Variants in ASTN1 observed in about 807,000 individuals in gnomAD.
ASTN1 encodes astrotactin-1.
Under a neutral mutation model 140.7 loss-of-function variants are expected in ASTN1, and 41 were observed. The observed-to-expected ratio is 0.29, with a 90% confidence interval of 0.23 to 0.38. The LOEUF (loss-of-function observed/expected upper bound fraction) is 0.38. ASTN1 is among the 10% of genes least tolerant of loss of function. The pLI is 1.00. For synonymous variants in ASTN1, 640 were observed against 652.2 expected (o/e 0.98, Z 0.29); for missense variants, 1,479 against 1,678.8 (o/e 0.88, Z 2.08).
chr1:176,983,506 C>G (rs1021241927), intron 8 of ASTN1, among the ~76,000 whole-genome samples: 1 of 152,172 alleles, frequency 6.6e-6, no homozygotes, highest in Non-Finnish European at 1.5e-5. Flanking sequence ...CTTCTTTTCC[C>G]TGGTATATTT....
intron 16 of ASTN1, among the ~76,000 whole-genome samples, chr1:176,921,417 C>T (rs536366890): frequency 1.3e-5 from 2 of 152,124 alleles, no homozygotes; most frequent in Non-Finnish European, 2.9e-5. Flanking sequence ...TATTTTTGTG[C>T]CTTTTGTTTC....
chr1:176,865,674 G>A (rs1197329847), intron 22 of ASTN1, among the ~76,000 whole-genome samples: 2 of 152,158 alleles, frequency 1.3e-5, no homozygotes, highest in African/African-American at 4.8e-5. Flanking sequence ...TCTAACTCAT[G>A]GGCAGAACCA....
chr1:176,916,686 C>T (rs1670498720), intron 16 of ASTN1, among the ~76,000 whole-genome samples: 1 of 152,148 alleles, frequency 6.6e-6, no homozygotes, highest in Non-Finnish European at 1.5e-5. Flanking sequence ...CAGCAGCTCC[C>T]ACCTGGTTTA....
intron 14 of ASTN1, among the ~76,000 whole-genome samples, chr1:176,942,635 C>A (rs1383436817): frequency 6.6e-6 from 1 of 151,390 alleles, no homozygotes; most frequent in Non-Finnish European, 1.5e-5. Flanking sequence ...CACCCCACTG[C>A]TCACTGAGAT....
chr1:177,136,914 A>G (rs181213677), intron 1 of ASTN1, among the ~76,000 whole-genome samples: 1 of 152,346 alleles, frequency 6.6e-6, no homozygotes, highest in African/African-American at 2.4e-5. Context: ...CAACCTCAGC[A>G]TTATTGACAT....
At chr1:176,865,299 G>A (rs1365287673) in intron 22 of ASTN1, among the ~76,000 whole-genome samples, 1 of 152,214 alleles carries the variant, frequency 6.6e-6, no homozygotes, top group Non-Finnish European at 1.5e-5. Flanking sequence ...TGTACACACT[G>A]GAAAGGAGTG....
At chr1:176,978,348 A>G (rs378049) in intron 8 of ASTN1, among the ~76,000 whole-genome samples, 12,273 of 152,262 alleles carry the variant, frequency 0.081, 1,590 homozygotes, top group African/African-American at 0.27. Flanking sequence ...TGTGAAAGCA[A>G]GATAAATGGG....
At chr1:176,900,398 C>G (rs1331917832) in intron 16 of ASTN1, among the ~76,000 whole-genome samples, 1 of 152,232 alleles carries the variant, frequency 6.6e-6, no homozygotes, top group African/African-American at 2.4e-5. Context: ...GCAAAACGCA[C>G]TGCTAACTTC....
At chr1:177,014,525 AAGGAAGAG>A (rs898166145) in intron 8 of ASTN1, among the ~76,000 whole-genome samples, 1 of 152,158 alleles carries the variant, frequency 6.6e-6, no homozygotes, top group African/African-American at 2.4e-5. Context: ...GTGGTGTGAA[AAGGAAGAG>A]AGGGACAGCT....
intron 1 of ASTN1, among the ~76,000 whole-genome samples, chr1:177,066,161 C>T (rs1475806837): frequency 2.0e-5 from 3 of 152,166 alleles, no homozygotes; most frequent in Non-Finnish European, 4.4e-5. Flanking sequence ...ACCCAAACTC[C>T]ACTTCTCCTT....
chr1:177,155,361 A>G (rs1253776460), intron 1 of ASTN1, among the ~76,000 whole-genome samples: 1 of 152,210 alleles, frequency 6.6e-6, no homozygotes, highest in African/African-American at 2.4e-5. Context: ...TGCAAATTAA[A>G]AGAAAAGAAA....
chr1:176,984,008 C>T lies in ASTN1; in HGVS notation c.1524-18771G>A, dbSNP rs913071311. Among the ~76,000 whole-genome samples the T allele has an allele frequency of 3.9e-5, 6 of 152,210 alleles. No individual in the cohort carries two copies. In the East Asian group the frequency reaches 1.2e-3, roughly 29 times the overall value. ...TGATCCAGCCAGAGCCTAATCCATT[C>T]TGTCAAGCCGACTGCAAGAGGAGAC... On this transcript the variant is annotated intron_variant, in intron 8 of 22. Coordinates refer to ENST00000361833, the MANE Select transcript of ASTN1 (RefSeq NM_004319.3).
intron 22 of ASTN1, among the ~76,000 whole-genome samples, chr1:176,867,737 G>C (rs1225833943): frequency 6.6e-6 from 1 of 152,114 alleles, no homozygotes; most frequent in African/African-American, 2.4e-5. Flanking sequence ...CTCAATGATG[G>C]TCTTCTGGGA....
At position 176,863,572 on chromosome 1, in the gene ASTN1, G is replaced by A; in HGVS notation, c.*712C>T. Reference sequence around the variant, plus strand: ...CTTGTTCCCTCTCAAAGATCATGTTGTTCAGAGGAAGGGACAGAGATCTGA... The same window carrying A: ...CTTGTTCCCTCTCAAAGATCATGTTATTCAGAGGAAGGGACAGAGATCTGA... On this transcript the variant is annotated 3_prime_UTR_variant, in exon 23 of 23. Coordinates refer to ENST00000361833, the MANE Select transcript of ASTN1 (RefSeq NM_004319.3). 1 of 985,404 alleles carries A rather than the reference G, an allele frequency of 1.0e-6. No homozygotes were observed. The highest frequency in any genetic ancestry group is 4.7e-5 in the South Asian group (1 of 21,276). 61.0% of individuals were successfully genotyped at this position (985,404 alleles called of 1,614,324 possible). A position where few individuals can be genotyped will look rare whatever the true frequency, so the allele number is the denominator to read the frequency against.
At chr1:176,933,528 A>G (rs1226043474) in intron 16 of ASTN1, among the ~76,000 whole-genome samples, 1 of 152,244 alleles carries the variant, frequency 6.6e-6, no homozygotes, top group Non-Finnish European at 1.5e-5. Flanking sequence ...CAGAGGGTGA[A>G]TCAAGAAGGT....
At chr1:176,871,504 T>C (rs1484341850) in intron 21 of ASTN1, among the ~76,000 whole-genome samples, 1 of 152,126 alleles carries the variant, frequency 6.6e-6, no homozygotes, top group Non-Finnish European at 1.5e-5. Context: ...CATAACATAG[T>C]AGTCATATCC....
intron 16 of ASTN1, among the ~76,000 whole-genome samples, chr1:176,899,359 T>A (rs1055425880): frequency 2.7e-4 from 41 of 152,322 alleles, no homozygotes; most frequent in Middle Eastern, 3.4e-3. Context: ...CCCATTCTCA[T>A]GCAGGGTCTG....
intron 8 of ASTN1, among the ~76,000 whole-genome samples, chr1:176,998,566 C>T (rs1400818925): frequency 6.6e-6 from 1 of 152,066 alleles, no homozygotes; most frequent in Non-Finnish European, 1.5e-5. Flanking sequence ...CATTAAGTCA[C>T]TGACAGTGGA....
chr1:177,024,272 G>A (rs1278349213), intron 6 of ASTN1, among the ~76,000 whole-genome samples: 1 of 152,198 alleles, frequency 6.6e-6, no homozygotes, highest in Non-Finnish European at 1.5e-5. Flanking sequence ...AAGGCTAAGG[G>A]AGTCTTGGTG....
Sources: allele counts gnomAD v4.1 joint callset (sites outside exome capture counted in the v4.1 genomes callset), GRCh38; gene constraint gnomAD v4.1.1; transcripts MANE v1.5; gene names NCBI Gene and HGNC (gene_info 2026-07-23, HGNC 2026-07-21).